Variants in STEAP2 observed in about 807,000 individuals in gnomAD.
STEAP2 encodes STEAP2 metalloreductase, also known as metalloreductase STEAP2.
STEAP2 carries 30 observed loss-of-function variants against 46.4 expected under a neutral mutation model. The ratio of observed to expected loss-of-function variants is 0.65; its 90% CI spans 0.48 to 0.88. The LOEUF is 0.88. Among genes scored for constraint, STEAP2 ranks in the 40% least tolerant of loss-of-function variants. The pLI is 0.00. For missense variants in STEAP2, 513 were observed against 579.3 expected, an observed-to-expected ratio of 0.89 and a Z score of 1.18; for synonymous variants, 180 against 200.5, an observed-to-expected ratio of 0.90 and a Z score of 0.86.
Position 90,235,801 on chromosome 7 carries a change from T to A in STEAP2, c.*3177T>A, listed in dbSNP as rs867155471. 4 of 757,830 alleles carry A rather than the reference T, an allele frequency of 5.3e-6. No individual in the cohort carries two copies. The highest frequency in any genetic ancestry group is 1.6e-6 in the Non-Finnish European group (1 of 622,614). The allele number at this position is 757,830 out of a possible 1,614,324, so 46.9% of individuals were successfully genotyped here. ...AACATACATGGAAATTTAGCCCAGA[T>A]TGTCTACATATAAGGTTTTTATTTG... is the stretch of plus-strand genomic sequence containing the variant. On this transcript the variant is annotated 3_prime_UTR_variant, in exon 6 of 6. Coordinates refer to ENST00000394621, the MANE Select transcript of STEAP2 (RefSeq NM_001244944.2).
At chr7:90,226,868 T>G in intron 3 of STEAP2, 103 bp from the exon 4 acceptor site, 1 of 1,137,872 alleles carries the variant, frequency 8.8e-7, no homozygotes, top group Non-Finnish European at 1.2e-6. Context: ...AAGTATTTAT[T>G]CCTCAAGGTC....
chr7:90,239,571 C>G (rs559264269), downstream of STEAP2, among the ~76,000 whole-genome samples: 1 of 152,274 alleles, frequency 6.6e-6, no homozygotes, highest in African/African-American at 2.4e-5. Flanking sequence ...GGTTATTGCA[C>G]TATAACTACC....
At chr7:90,241,321 G>A (rs1562821088), downstream of STEAP2, among the ~76,000 whole-genome samples, 1 of 152,058 alleles carries the variant, frequency 6.6e-6, no homozygotes, top group Non-Finnish European at 1.5e-5. Context: ...TCCTAACAGA[G>A]TCCCTAGTAA....
At position 90,234,847 on chromosome 7, in the gene STEAP2, C is replaced by T. The variant is rs1423890042; in HGVS notation, c.*2223C>T. On this transcript the variant is annotated 3_prime_UTR_variant, in exon 6 of 6. Transcript: ENST00000394621. Reference sequence around the variant, plus strand: ...GATTACAGGTGTGAGCTACCGCGCCCGGCCTATTATCTTGTACTTTCTAAC... The same window carrying T: ...GATTACAGGTGTGAGCTACCGCGCCTGGCCTATTATCTTGTACTTTCTAAC... 14 of 984,766 alleles carry T rather than the reference C, an allele frequency of 1.4e-5. No homozygotes were observed. The highest frequency in any genetic ancestry group is 4.7e-5 in the South Asian group (1 of 21,272). The allele number at this position is 984,766 out of a possible 1,614,324, so 61.0% of individuals were successfully genotyped here. A position where few individuals can be genotyped will look rare whatever the true frequency, so the allele number is the denominator to read the frequency against.
chr7:90,231,344 T>A (rs17874669), intron 5 of STEAP2, among the ~76,000 whole-genome samples: 2 of 151,808 alleles, frequency 1.3e-5, no homozygotes, highest in African/African-American at 4.8e-5. Flanking sequence ...TAATTTTAAT[T>A]TAATTTAATT....
intron 5 of STEAP2, among the ~76,000 whole-genome samples, chr7:90,231,025 A>G (rs1175484989): frequency 6.6e-6 from 1 of 151,974 alleles, no homozygotes; most frequent in East Asian, 1.9e-4. Flanking sequence ...AATTTAGATG[A>G]GTAATTGCAA....
chr7:90,241,128 T>G (rs573823394), downstream of STEAP2, among the ~76,000 whole-genome samples: 1 of 152,124 alleles, frequency 6.6e-6, no homozygotes, highest in East Asian at 1.9e-4. Flanking sequence ...TGGATGCTGT[T>G]AAAACTACTC....
intron 5 of STEAP2, among the ~76,000 whole-genome samples, chr7:90,230,781 A>T (rs1223615246): frequency 5.9e-5 from 9 of 151,902 alleles, no homozygotes; most frequent in Admixed American, 5.9e-4. Flanking sequence ...TTTACAGCAT[A>T]GTAGACAGAT....
intron 2 of STEAP2, among the ~76,000 whole-genome samples, chr7:90,220,026 C>T (rs1178632039): frequency 6.6e-6 from 1 of 152,112 alleles, no homozygotes; most frequent in Non-Finnish European, 1.5e-5. Flanking sequence ...CATGTCTGGC[C>T]CTTGGTTTGC....
In STEAP2 at chr7:90,217,633, C is replaced by T. The variant is rs577529966; in HGVS notation, c.-34+1030C>T. Among the ~76,000 whole-genome samples, 4 of 147,386 alleles carry T rather than the reference C, an allele frequency of 2.7e-5. No individual in the cohort carries two copies. The South Asian group carries it at 8.6e-4, about 32-fold the overall frequency. The stretch of plus-strand genomic sequence containing the variant: ...ATAATATTTCATTGTGTATACATAC[C>T]ACATTTTCTTTATCCATTTGTTGAT... On this transcript the variant is annotated intron_variant, in intron 2 of 5. Coordinates refer to ENST00000394621, the MANE Select transcript of STEAP2 (RefSeq NM_001244944.2).
Position 90,227,376 on chromosome 7 carries a change from C to T in STEAP2, c.898C>T (p.Gln300Ter). The change falls in exon 4 of 6, where the codon CAG becomes TAG. Residue 300 changes from glutamine (Q) to a stop codon, truncating the protein, a stop_gained. Coordinates refer to ENST00000394621, the MANE Select transcript of STEAP2 (RefSeq NM_001244944.2). LOFTEE classifies it high-confidence loss of function. Reference sequence around the variant, plus strand: ...TCCACCTTGGTTGGAAACCTGGTTACAGTGTAGAAAACAGCTTGGATTACT... The same window carrying T: ...TCCACCTTGGTTGGAAACCTGGTTATAGTGTAGAAAACAGCTTGGATTACT... ...RFPPWLETWL[Q>*]CRKQLGLLSF... 6.2e-7 allele frequency: 1 copy of T among 1,613,804 alleles called. No individual in the cohort carries two copies. The highest frequency in any genetic ancestry group is 1.3e-5 in the African/African-American group (1 of 75,022).
chr7:90,223,941 C>T (rs1320758988), intron 2 of STEAP2, among the ~76,000 whole-genome samples: 1 of 152,100 alleles, frequency 6.6e-6, no homozygotes, highest in Non-Finnish European at 1.5e-5. Context: ...TAACCTCTAC[C>T]CCAAATGACT....
At chr7:90,219,363 T>G (rs1209918627) in intron 2 of STEAP2, among the ~76,000 whole-genome samples, 1 of 152,168 alleles carries the variant, frequency 6.6e-6, no homozygotes, top group Non-Finnish European at 1.5e-5. Context: ...TTGTTTCTGT[T>G]CATAGAGGAA....
downstream of STEAP2, among the ~76,000 whole-genome samples, chr7:90,239,703 AT>A (rs1176727514): frequency 6.6e-6 from 1 of 151,906 alleles, no homozygotes; most frequent in Non-Finnish European, 1.5e-5. Context: ...TCTTCTTTTA[AT>A]TTTTTTTACT....
chr7:90,236,596 A>G lies in STEAP2; in HGVS notation c.*3972A>G. Reference sequence around the variant, plus strand: ...TTTACCTTTAAACAGTGAATTTTACATGAATGAATGGGTTCTTCACTTTTT... The same window carrying G: ...TTTACCTTTAAACAGTGAATTTTACGTGAATGAATGGGTTCTTCACTTTTT... On this transcript the variant is annotated 3_prime_UTR_variant, in exon 6 of 6. Coordinates refer to ENST00000394621, the MANE Select transcript of STEAP2 (RefSeq NM_001244944.2). The G allele has an allele frequency of 1.8e-6, 2 of 1,097,422 alleles. No individual in the cohort carries two copies. The highest frequency in any genetic ancestry group is 2.2e-6 in the Non-Finnish European group (2 of 902,280). 68.0% of individuals were successfully genotyped at this position (1,097,422 alleles called of 1,614,324 possible).
Position 90,227,499 on chromosome 7 carries a change from G to A in STEAP2, c.1020+1G>A, listed in dbSNP as rs1339296879. The A allele has an allele frequency of 6.4e-7, 1 of 1,551,452 alleles. No homozygotes were observed. The highest frequency in any genetic ancestry group is 1.8e-4 in the Middle Eastern group (1 of 5,674). Reference sequence around the variant, plus strand: ...GTTTCTCAACATGGCTTATCAGCAGGTACTGAATGTGCTTGTTATTTATCT... The same window carrying A: ...GTTTCTCAACATGGCTTATCAGCAGATACTGAATGTGCTTGTTATTTATCT... On this transcript the variant is annotated splice_donor_variant, in intron 4 of 5. Transcript: ENST00000394621. LOFTEE classifies it high-confidence loss of function.
In STEAP2 at chr7:90,234,285, C is replaced by T. The variant is rs1051640773; in HGVS notation, c.*1661C>T. 1 of 985,346 alleles carries T rather than the reference C, an allele frequency of 1.0e-6. No individual in the cohort carries two copies. Among genetic ancestry groups the T allele is most frequent in the Non-Finnish European group, 1.2e-6 (1 of 829,910 alleles). The allele number at this position is 985,346 out of a possible 1,614,324, so 61.0% of individuals were successfully genotyped here. On this transcript the variant is annotated 3_prime_UTR_variant, in exon 6 of 6. Coordinates refer to ENST00000394621, the MANE Select transcript of STEAP2 (RefSeq NM_001244944.2). ...TGTAGAATGCCCTACATTCCCCCCA[C>T]CCCAATTTGCTATTTCCTTATTAAA...
downstream of STEAP2, among the ~76,000 whole-genome samples, chr7:90,241,698 G>A (rs1796063288): frequency 6.6e-6 from 1 of 152,152 alleles, no homozygotes; most frequent in Non-Finnish European, 1.5e-5. Flanking sequence ...TACTGCTCTA[G>A]ACAGTATGCT....
At position 90,232,518 on chromosome 7, in the gene STEAP2, G is replaced by A. The variant is rs194524; in HGVS notation, c.1367G>A (p.Arg456Gln). The A allele has an allele frequency of 0.51, 817,991 of 1,612,368 alleles. 214,205 individuals carry two copies. The highest frequency in any genetic ancestry group is 0.55 in the Non-Finnish European group (643,874 of 1,178,776). ...ATTTTATTCCTTCCATGTATAAGCC[G>A]AAAGCTAAAACGAATTAAAAAAGGC... Reference protein sequence around the residue: ...KIILFLPCISRKLKRIKKGWE... With the variant: ...KIILFLPCISQKLKRIKKGWE... Residue 456 changes from arginine (R) to glutamine (Q), a missense_variant, in exon 6 of 6, where the codon CGA becomes CAA. By Grantham distance (43) the Arg-to-Gln change is conservative (BLOSUM62 1). Transcript: ENST00000394621.
Sources: allele counts gnomAD v4.1 joint callset (sites outside exome capture counted in the v4.1 genomes callset), GRCh38; gene constraint gnomAD v4.1.1; transcripts MANE v1.5; gene names NCBI Gene and HGNC (gene_info 2026-07-23, HGNC 2026-07-21).